The following TUBGCP3 variants were observed in gnomAD, a reference collection of about 807,000 sequenced individuals.
The protein encoded by TUBGCP3 is tubulin gamma complex component 3, also known as gamma-tubulin complex component 3.
A neutral mutation model predicts 123.1 loss-of-function variants in TUBGCP3; 50 were observed. The observed-to-expected ratio is 0.41, with a 90% CI of 0.32 to 0.51. The LOEUF (loss-of-function observed/expected upper bound fraction) is 0.51. Among genes scored for constraint, TUBGCP3 ranks in the 20% least tolerant of loss-of-function variants. The pLI, the probability that TUBGCP3 is intolerant of heterozygous loss-of-function variation, is 0.36. For synonymous variants in TUBGCP3, 405 were observed against 413.9 expected (o/e 0.98, Z 0.26); for missense variants, 882 against 1,127.0 (o/e 0.78, Z 3.11).
chr13:112,495,720 C>A (rs947596684), intron 20 of TUBGCP3, among the ~76,000 whole-genome samples: 1 of 152,088 alleles, frequency 6.6e-6, no homozygotes, highest in Non-Finnish European at 1.5e-5. Flanking sequence ...CTAAACTACC[C>A]AAATGCTTTG....
rs1231834373 is a variant in TUBGCP3, at chr13:112,587,994, C to T, written c.-14G>A. On this transcript the variant is annotated 5_prime_UTR_variant, in exon 1 of 22. Coordinates refer to ENST00000261965, the MANE Select transcript of TUBGCP3 (RefSeq NM_006322.6). ...CGGGGTCGCCATCCTCGCCCGGAGCCGTGCACGGTGGTCCGGGCAGAGCCG... is the reference window on the plus strand; with the variant it reads ...CGGGGTCGCCATCCTCGCCCGGAGCTGTGCACGGTGGTCCGGGCAGAGCCG... The T allele has an allele frequency of 6.5e-7, 1 of 1,538,378 alleles. No individual in the cohort carries two copies. Among genetic ancestry groups the T allele is most frequent in the Non-Finnish European group, 8.7e-7 (1 of 1,143,158 alleles).
chr13:112,506,460 C>CTA (rs1881313783), intron 17 of TUBGCP3, among the ~76,000 whole-genome samples: 1 of 152,236 alleles, frequency 6.6e-6, no homozygotes, highest in Non-Finnish European at 1.5e-5. Context: ...ACACAGTGAA[C>CTA]TATAGCGTCC....
At chr13:112,486,666 C>T (rs1348495882) in intron 21 of TUBGCP3, among the ~76,000 whole-genome samples, 2 of 152,216 alleles carry the variant, frequency 1.3e-5, no homozygotes, top group Non-Finnish European at 2.9e-5. Context: ...CTGGCATCGC[C>T]ATCATCCTGT....
intron 4 of TUBGCP3, 143 bp from the exon 5 acceptor site, chr13:112,558,556 A>G (rs1880246440): frequency 1.4e-6 from 1 of 721,846 alleles, no homozygotes; most frequent in Admixed American, 3.3e-5. Context: ...AATAAATTAG[A>G]TGTTATGCTT....
chr13:112,554,029 C>G (rs1879816273), intron 8 of TUBGCP3, 28 bp downstream of exon 8: 3 of 1,602,270 alleles, frequency 1.9e-6, no homozygotes, highest in Non-Finnish European at 2.5e-6. Context: ...TGCGCAGCAT[C>G]CCAGCATCCT....
rs183433014 is a variant in TUBGCP3, at chr13:112,550,864, C to T, written c.967-2688G>A. 1.1e-3 allele frequency among the ~76,000 whole-genome samples: 162 copies of T among 152,260 alleles called. 4 individuals are homozygous for T. In the East Asian group the frequency reaches 0.022, roughly 21 times the overall value. On this transcript the variant is annotated intron_variant, in intron 8 of 21. Transcript: ENST00000261965. ...CTGTAATCTCATCACTTTGGGAGGCCAAGGCGGGCAGATCATGAGGTCAGG... is the reference window on the plus strand; with the variant it reads ...CTGTAATCTCATCACTTTGGGAGGCTAAGGCGGGCAGATCATGAGGTCAGG...
At chr13:112,598,181 A>C in the TUBGCP3 span, among the ~76,000 whole-genome samples, 1 of 152,184 alleles carries the variant, frequency 6.6e-6, no homozygotes, top group Non-Finnish European at 1.5e-5. Flanking sequence ...AACAACTGCC[A>C]ATCTAGAATT....
At chr13:112,591,596 G>A (rs1207385511), upstream of TUBGCP3, among the ~76,000 whole-genome samples, 2 of 151,542 alleles carry the variant, frequency 1.3e-5, no homozygotes, top group Non-Finnish European at 2.9e-5. Context: ...CTTTCTGGTG[G>A]TTCTGGCCTA....
intron 13 of TUBGCP3, among the ~76,000 whole-genome samples, chr13:112,523,081 T>C (rs7332989): frequency 0.51 from 78,231 of 152,148 alleles, 23,241 homozygotes; most frequent in African/African-American, 0.83. Flanking sequence ...GAGAAGAAAT[T>C]GCAGGTGGAG....
intron 1 of TUBGCP3, among the ~76,000 whole-genome samples, chr13:112,577,317 G>C (rs1049646978): frequency 6.6e-6 from 1 of 152,156 alleles, no homozygotes; most frequent in Non-Finnish European, 1.5e-5. Flanking sequence ...CACCCTGGTG[G>C]CAGGTATCCT....
intron 21 of TUBGCP3, among the ~76,000 whole-genome samples, 167 bp downstream of exon 21, chr13:112,489,414 C>T (rs543611858): frequency 2.0e-5 from 3 of 152,388 alleles, no homozygotes; most frequent in Admixed American, 6.5e-5. Flanking sequence ...CAGGCATACC[C>T]GAGTCCCCCA....
At chr13:112,588,626 G>C (rs912009595), upstream of TUBGCP3, among the ~76,000 whole-genome samples, 1 of 152,184 alleles carries the variant, frequency 6.6e-6, no homozygotes, top group Non-Finnish European at 1.5e-5. Context: ...CCGGGTAACT[G>C]GGACGTCCTG....
the TUBGCP3 span, among the ~76,000 whole-genome samples, chr13:112,599,688 TA>T: frequency 2.6e-5 from 4 of 151,928 alleles, no homozygotes; most frequent in Non-Finnish European, 4.4e-5. Context: ...TTTTATTTTT[TA>T]TTTTTTTTTT....
At chr13:112,597,189 C>G in the TUBGCP3 span, among the ~76,000 whole-genome samples, 3 of 152,288 alleles carry the variant, frequency 2.0e-5, no homozygotes, top group Middle Eastern at 3.4e-3. Context: ...CTAATGGGCT[C>G]TTAAGGTTGC....
At chr13:112,546,568 G>C (rs1045881201) in intron 10 of TUBGCP3, 1 of 152,374 alleles carries the variant, frequency 6.6e-6, no homozygotes, top group Non-Finnish European at 1.5e-5. Flanking sequence ...AGATGGCTCT[G>C]GTGTGTGTAC....
chr13:112,569,786 A>G (rs151235809), intron 1 of TUBGCP3, among the ~76,000 whole-genome samples: 1 of 152,348 alleles, frequency 6.6e-6, no homozygotes, highest in Non-Finnish European at 1.5e-5. Flanking sequence ...GCATAAACCA[A>G]CAAGGACAAA....
chr13:112,498,390 T>C (rs1880662987), intron 20 of TUBGCP3, among the ~76,000 whole-genome samples: 1 of 152,190 alleles, frequency 6.6e-6, no homozygotes. Flanking sequence ...CTTAAATACA[T>C]AGTAGCCTGA....
chr13:112,503,659 C>T (rs886645439), intron 19 of TUBGCP3, among the ~76,000 whole-genome samples: 36 of 152,156 alleles, frequency 2.4e-4, no homozygotes, highest in African/African-American at 7.0e-4. Context: ...TGAGCCACTG[C>T]GCCCGGCCTG....
intron 14 of TUBGCP3, among the ~76,000 whole-genome samples, chr13:112,521,489 C>A (rs1424079080): frequency 6.6e-6 from 1 of 152,338 alleles, no homozygotes. Flanking sequence ...TCCTCTACCC[C>A]ACACCTGAGA....
Sources: gnomAD v4.1 joint callset for allele counts (sites outside exome capture counted in the v4.1 genomes callset) on GRCh38, gnomAD v4.1.1 for gene constraint, MANE v1.5 for transcripts, NCBI Gene and HGNC (gene_info 2026-07-23, HGNC 2026-07-21) for gene names.